The following ZNF722 variants were observed in gnomAD, a reference collection of about 807,000 sequenced individuals.
The protein encoded by ZNF722 is zinc finger protein 722, also known as zinc finger protein 479 pseudogene.
chr7:64,012,929 G>A, the ZNF722 span, among the ~76,000 whole-genome samples: 2 of 152,128 alleles, frequency 1.3e-5, no homozygotes, highest in African/African-American at 4.8e-5. Context: ...AAGGAACTTG[G>A]TTCCTCCACC....
the ZNF722 span, among the ~76,000 whole-genome samples, chr7:64,002,058 T>C: frequency 0.026 from 3,984 of 152,088 alleles, 125 homozygotes; most frequent in South Asian, 0.11. Flanking sequence ...AATTTTTGTA[T>C]TTTTAGTAGA....
chr7:64,004,425 A>AAAAAT, the ZNF722 span, among the ~76,000 whole-genome samples: 3,545 of 60,962 alleles, frequency 0.058, 197 homozygotes, highest in Non-Finnish European at 0.079. Context: ...AAAAAAAAAA[A>AAAAAT]ATATATATAT....
the ZNF722 span, chr7:64,005,851 A>G: frequency 9.5e-7 from 1 of 1,053,662 alleles, no homozygotes; most frequent in Admixed American, 2.5e-5. Context: ...AATTTTAAGA[A>G]AATCTTGGGG....
chr7:64,012,267 A>G, the ZNF722 span, among the ~76,000 whole-genome samples: 1 of 152,114 alleles, frequency 6.6e-6, no homozygotes, highest in African/African-American at 2.4e-5. Context: ...TCTGAAGCCT[A>G]CTTCTGTCAA....
the ZNF722 span, among the ~76,000 whole-genome samples, chr7:64,010,608 C>CA: frequency 6.6e-6 from 1 of 152,132 alleles, no homozygotes; most frequent in African/African-American, 2.4e-5. Context: ...GTCTGAGAGA[C>CA]AGTTTGTTGT....
At chr7:64,016,439 TA>T in the ZNF722 span, among the ~76,000 whole-genome samples, 1,541 of 145,158 alleles carry the variant, frequency 0.011, 15 homozygotes, top group African/African-American at 0.033. Context: ...CTAGAAAGGT[TA>T]AAAAAAAAAA....
the ZNF722 span, among the ~76,000 whole-genome samples, chr7:64,005,284 A>G: frequency 6.6e-6 from 1 of 152,156 alleles, no homozygotes; most frequent in East Asian, 1.9e-4. Context: ...TGGGCAACAG[A>G]GTGAAACTCG....
At chr7:64,005,632 CAT>C in the ZNF722 span, 1 of 1,231,654 alleles carries the variant, frequency 8.1e-7, no homozygotes, top group Non-Finnish European at 1.2e-6. Context: ...CATTCAGAGA[CAT>C]AGCTATAGAA....
chr7:64,006,769 T>C, the ZNF722 span, among the ~76,000 whole-genome samples: 1 of 152,106 alleles, frequency 6.6e-6, no homozygotes, highest in Non-Finnish European at 1.5e-5. Flanking sequence ...TTTTTATTAC[T>C]ATAGCCTTGA....
the ZNF722 span, among the ~76,000 whole-genome samples, chr7:64,008,558 A>G: frequency 2.0e-5 from 3 of 151,996 alleles, no homozygotes; most frequent in South Asian, 6.2e-4. Context: ...GGTTGTAGAT[A>G]TGTGGTGTTA....
At chr7:64,008,304 A>G in the ZNF722 span, among the ~76,000 whole-genome samples, 1 of 152,144 alleles carries the variant, frequency 6.6e-6, no homozygotes, top group East Asian at 1.9e-4. Flanking sequence ...TGTTTTAGTC[A>G]TGAAGTCCTT....
chr7:64,007,254 A>T, the ZNF722 span, among the ~76,000 whole-genome samples: 1 of 146,350 alleles, frequency 6.8e-6, no homozygotes, highest in African/African-American at 2.5e-5. Flanking sequence ...ATATATATAT[A>T]TTTATACTTT....
chr7:64,016,233 G>A, the ZNF722 span: 1 of 210,438 alleles, frequency 4.8e-6, no homozygotes, highest in Non-Finnish European at 9.5e-6. Flanking sequence ...CTGCCTTCCA[G>A]GTTCAAGTGA....
At chr7:64,015,152 T>C in the ZNF722 span, 13 of 1,419,984 alleles carry the variant, frequency 9.2e-6, no homozygotes, top group African/African-American at 1.8e-4. Context: ...AAAAATGCTG[T>C]AAAAGTGTGG....
the ZNF722 span, among the ~76,000 whole-genome samples, chr7:64,017,566 G>T: frequency 6.6e-6 from 1 of 152,198 alleles, no homozygotes; most frequent in African/African-American, 2.4e-5. Flanking sequence ...AAACCCTGAA[G>T]CAGATGCTCA....
chr7:64,002,008 C>T, the ZNF722 span, among the ~76,000 whole-genome samples: 3 of 152,086 alleles, frequency 2.0e-5, no homozygotes, highest in Non-Finnish European at 1.5e-5. Context: ...CTCAGCCTCT[C>T]GAGTAGCTGG....
the ZNF722 span, among the ~76,000 whole-genome samples, chr7:64,009,085 C>T: frequency 6.6e-6 from 1 of 152,158 alleles, no homozygotes; most frequent in Non-Finnish European, 1.5e-5. Flanking sequence ...GATTTTTGCA[C>T]ATTGGTTTTG....
chr7:63,998,975 C>T, the ZNF722 span: 18 of 1,580,096 alleles, frequency 1.1e-5, no homozygotes, highest in African/African-American at 9.4e-5. Context: ...GCTGAAAGAC[C>T]GGGATCCCCT....
chr7:64,007,129 G>GTAATT, the ZNF722 span, among the ~76,000 whole-genome samples: 1 of 150,830 alleles, frequency 6.6e-6, no homozygotes, highest in African/African-American at 2.4e-5. Flanking sequence ...CTGATGTAAG[G>GTAATT]TAATTTTGTT....
Sources: allele counts gnomAD v4.1 joint callset (sites outside exome capture counted in the v4.1 genomes callset), GRCh38; gene constraint gnomAD v4.1.1; transcripts MANE v1.5; gene names NCBI Gene and HGNC (gene_info 2026-07-23, HGNC 2026-07-21).